UTRN: variants seen among roughly 807,000 people sequenced by gnomAD.
UTRN encodes the protein dystrophin-related protein 1.
Under a neutral mutation model 463.9 loss-of-function variants are expected in UTRN, and 283 were observed. The ratio of observed to expected loss-of-function variants is 0.61; its 90% CI spans 0.55 to 0.67. The LOEUF is 0.67. UTRN is among the 30% of genes least tolerant of loss of function. UTRN has a pLI of 0.00. For missense variants in UTRN, 3,922 were observed against 4,084.3 expected, an observed-to-expected ratio of 0.96 and a Z score of 1.08; for synonymous variants, 1,442 against 1,431.5, an observed-to-expected ratio of 1.01 and a Z score of -0.17.
chr6:144,839,998 G>A (rs11753191), intron 72 of UTRN, among the ~76,000 whole-genome samples: 36,111 of 151,890 alleles, frequency 0.24, 4,984 homozygotes, highest in Admixed American at 0.39. Context: ...AGCTCTTTGG[G>A]AGGCCATGGT....
chr6:144,445,918 C>G (rs1200981244), intron 14 of UTRN, among the ~76,000 whole-genome samples: 1 of 151,904 alleles, frequency 6.6e-6, no homozygotes, highest in Non-Finnish European at 1.5e-5. Context: ...CCCAGCCACT[C>G]AGGAGGCTAT....
chr6:144,554,438 T>C (rs981660321), intron 48 of UTRN, among the ~76,000 whole-genome samples: 3 of 152,196 alleles, frequency 2.0e-5, no homozygotes, highest in Non-Finnish European at 4.4e-5. Flanking sequence ...TAATAGTAGA[T>C]ATTTTTTTGG....
chr6:144,602,970 T>G (rs2128637531), intron 51 of UTRN, among the ~76,000 whole-genome samples: 1 of 152,284 alleles, frequency 6.6e-6, no homozygotes, highest in South Asian at 2.1e-4. Context: ...CTCATTTGCT[T>G]TGTTGTGGTG....
chr6:144,433,636 G>A (rs7381650), intron 9 of UTRN, among the ~76,000 whole-genome samples: 4 of 147,302 alleles, frequency 2.7e-5, no homozygotes, highest in African/African-American at 5.1e-5. Flanking sequence ...CGGGGCGGCC[G>A]GGCAGAGACG....
At chr6:144,671,112 A>G (rs1037734508) in intron 51 of UTRN, among the ~76,000 whole-genome samples, 2 of 149,346 alleles carry the variant, frequency 1.3e-5, no homozygotes, top group South Asian at 4.2e-4. Context: ...TGCTTTGGCT[A>G]TGTGGGGTCC....
intron 2 of UTRN, among the ~76,000 whole-genome samples, chr6:144,341,902 A>G (rs1777165009): frequency 3.9e-5 from 6 of 152,346 alleles, no homozygotes; most frequent in Admixed American, 3.3e-4. Flanking sequence ...ACCAGGAACA[A>G]TGTTGAAAGT....
rs779278500 is a variant in UTRN at position 144,577,160 on chromosome 6, G to C, written c.7351G>C (p.Asp2451His). Residue 2451 changes from aspartate (D) to histidine (H), a missense_variant, in exon 51 of 75, where the codon GAT becomes CAT. This residue lies in a region of UTRN where 1,309 missense variants were observed against 1,452.6 expected (regional missense o/e 0.90). Coordinates refer to ENST00000367545, the MANE Select transcript of UTRN (RefSeq NM_007124.3). ...GAGGACGGTGCAGGCCTCTCGCAGAGATCTGGAAAACTTCCTGAAGTGGAT... is the reference window on the plus strand; with the variant it reads ...GAGGACGGTGCAGGCCTCTCGCAGACATCTGGAAAACTTCCTGAAGTGGAT... ...EWRTVQASRR[D>H]LENFLKWIQE... 2 of 1,613,996 alleles carry C rather than the reference G, an allele frequency of 1.2e-6. No individual in the cohort carries two copies. Among genetic ancestry groups the C allele is most frequent in the Admixed American group, 3.3e-5 (2 of 60,006 alleles).
intron 51 of UTRN, among the ~76,000 whole-genome samples, chr6:144,612,283 A>G (rs1346094020): frequency 6.6e-6 from 1 of 152,134 alleles, no homozygotes; most frequent in Non-Finnish European, 1.5e-5. Flanking sequence ...AGAAGAAAAC[A>G]TGGGGAAAAA....
chr6:144,616,345 A>C (rs2128645195), intron 51 of UTRN, among the ~76,000 whole-genome samples: 1 of 152,286 alleles, frequency 6.6e-6, no homozygotes, highest in African/African-American at 2.4e-5. Context: ...TTTGTTGGAT[A>C]CCTTTAATCT....
intron 21 of UTRN, among the ~76,000 whole-genome samples, chr6:144,460,796 A>G (rs751151759): frequency 6.6e-6 from 1 of 152,096 alleles, no homozygotes; most frequent in Non-Finnish European, 1.5e-5. Context: ...TCCACTCTGG[A>G]CCTGGGTTTG....
intron 52 of UTRN, among the ~76,000 whole-genome samples, chr6:144,690,089 T>TGTG (rs1436355407): frequency 1.1e-4 from 4 of 36,852 alleles, no homozygotes; most frequent in African/African-American, 5.8e-4. Context: ...TTTTTTTTTT[T>TGTG]TTTTTTTGTG....
chr6:144,376,453 CAAA>C (rs745601567), intron 2 of UTRN, among the ~76,000 whole-genome samples: 1 of 114,642 alleles, frequency 8.7e-6, no homozygotes, highest in Non-Finnish European at 1.9e-5. Flanking sequence ...CACTCTGTCT[CAAA>C]AAAAAAAAAA....
intron 14 of UTRN, among the ~76,000 whole-genome samples, chr6:144,445,069 G>T: frequency 6.6e-6 from 1 of 152,140 alleles, no homozygotes; most frequent in Non-Finnish European, 1.5e-5. Flanking sequence ...AGTAGATACT[G>T]GCCGGGCAGG....
At chr6:144,836,572 C>T (rs772446688) in intron 71 of UTRN, 31 bp downstream of exon 71, 22 of 1,609,426 alleles carry the variant, frequency 1.4e-5, no homozygotes, top group Non-Finnish European at 1.8e-5. Context: ...CGTCACACCT[C>T]CCCAGGCCAT....
intron 53 of UTRN, among the ~76,000 whole-genome samples, chr6:144,704,280 CCTAT>C (rs1430537085): frequency 1.3e-5 from 2 of 152,046 alleles, no homozygotes; most frequent in Non-Finnish European, 2.9e-5. Context: ...CCTTTTTCAC[CCTAT>C]CTTTTTCTTT....
chr6:144,782,819 C>T (rs957372743), intron 61 of UTRN, among the ~76,000 whole-genome samples: 2 of 152,060 alleles, frequency 1.3e-5, no homozygotes, highest in Non-Finnish European at 2.9e-5. Context: ...CTAGAAAGAC[C>T]TGCTGTGGGC....
chr6:144,383,832 T>C (rs1781157633), intron 2 of UTRN, among the ~76,000 whole-genome samples: 1 of 152,182 alleles, frequency 6.6e-6, no homozygotes, highest in South Asian at 2.1e-4. Flanking sequence ...TGAAAACAAT[T>C]CTGATTCTAG....
At chr6:144,766,918 C>G (rs1419037455) in intron 58 of UTRN, among the ~76,000 whole-genome samples, 1 of 151,816 alleles carries the variant, frequency 6.6e-6, no homozygotes, top group African/African-American at 2.4e-5. Flanking sequence ...AAGAATTGGC[C>G]TTTAATAAGA....
intron 50 of UTRN, among the ~76,000 whole-genome samples, chr6:144,565,000 G>A (rs1800275678): frequency 6.6e-6 from 1 of 152,164 alleles, no homozygotes; most frequent in African/African-American, 2.4e-5. Flanking sequence ...TTGCTAGTGG[G>A]TATAGTAGAA....
Sources: gnomAD v4.1 joint callset for allele counts (sites outside exome capture counted in the v4.1 genomes callset) on GRCh38, gnomAD v4.1.1 for gene constraint, gnomAD v4.1.1 regional missense constraint, MANE v1.5 for transcripts, NCBI Gene and HGNC (gene_info 2026-07-23, HGNC 2026-07-21) for gene names.